Variants in OTOGL observed in about 807,000 individuals in gnomAD.
OTOGL encodes the protein otogelin like.
A neutral mutation model predicts 318.5 loss-of-function variants in OTOGL; 285 were observed. The ratio of observed to expected loss-of-function variants is 0.89; its 90% CI spans 0.81 to 0.99. OTOGL has a LOEUF of 0.99. OTOGL is among the 50% of genes least tolerant of loss of function. The pLI is 0.00. For synonymous variants in OTOGL, 987 were observed against 936.5 expected, an observed-to-expected ratio of 1.05 and a Z score of -0.99; for missense variants, 2,899 against 2,845.6, an observed-to-expected ratio of 1.02 and a Z score of -0.43.
At chr12:80,123,120 G>C (rs1381144143) in intron 1 of OTOGL, among the ~76,000 whole-genome samples, 2 of 151,696 alleles carry the variant, frequency 1.3e-5, no homozygotes, top group African/African-American at 4.8e-5. Context: ...TGCCATGCTG[G>C]TGTGCTGCAC....
At chr12:80,345,130 TTATAA>T (rs1210561130) in intron 44 of OTOGL, among the ~76,000 whole-genome samples, 1 of 131,882 alleles carries the variant, frequency 7.6e-6, no homozygotes, top group Non-Finnish European at 1.6e-5. Context: ...ATGTTATATA[TTATAA>T]TATATATTAT....
At position 80,277,259 on chromosome 12, in the gene OTOGL, G is replaced by A. The variant is rs546327758; in HGVS notation, c.2682-909G>A. On this transcript the variant is annotated intron_variant, in intron 24 of 58. Coordinates refer to ENST00000547103, the MANE Select transcript of OTOGL (RefSeq NM_001378609.3). Reference sequence around the variant, plus strand: ...ATTTATAATTAATTACAAAATTATTGTTCTATTATTATTTTGTTAACACTT... The same window carrying A: ...ATTTATAATTAATTACAAAATTATTATTCTATTATTATTTTGTTAACACTT... 7.1e-3 allele frequency among the ~76,000 whole-genome samples: 1,018 copies of A among 143,684 alleles called. 12 individuals are homozygous for A. Among genetic ancestry groups the A allele is most frequent in the African/African-American group, 0.024 (969 of 39,822 alleles). 94.3% of individuals were successfully genotyped at this position (143,684 alleles called of 152,430 possible).
At chr12:80,220,315 ATGT>A (rs1408998919) in intron 6 of OTOGL, among the ~76,000 whole-genome samples, 2 of 151,918 alleles carry the variant, frequency 1.3e-5, no homozygotes, top group Non-Finnish European at 2.9e-5. Flanking sequence ...ACCCACCATC[ATGT>A]CTGGCTAATT....
intron 27 of OTOGL, among the ~76,000 whole-genome samples, chr12:80,299,736 A>G (rs1172503259): frequency 3.3e-5 from 5 of 152,112 alleles, no homozygotes; most frequent in Admixed American, 2.6e-4. Context: ...TTAATTCTCC[A>G]TAGTTCTAAC....
At chr12:80,171,822 A>G (rs1022966184) in intron 1 of OTOGL, among the ~76,000 whole-genome samples, 10 of 152,006 alleles carry the variant, frequency 6.6e-5, no homozygotes, top group African/African-American at 2.4e-4. Flanking sequence ...AGATCTTTTC[A>G]ACTAACTATC....
In OTOGL at chr12:80,188,951, C is replaced by T. The variant is rs148412960; in HGVS notation, c.-19-20462C>T. On this transcript the variant is annotated intron_variant, in intron 1 of 58. Transcript: ENST00000547103. ...TCTCTCCCTTCAGGTGTCATCCTCC[C>T]GTTCTCTCTGTCCTCCCTTTGGTTT... Among the ~76,000 whole-genome samples, 24 of 152,280 alleles carry T rather than the reference C, an allele frequency of 1.6e-4. No homozygotes were observed. The East Asian group carries it at 4.2e-3, about 27-fold the overall frequency.
chr12:80,368,435 AC>A (rs1305423486), intron 55 of OTOGL, 126 bp downstream of exon 55: 37 of 494,312 alleles, frequency 7.5e-5, no homozygotes, highest in Non-Finnish European at 1.1e-4. Context: ...CACCTACAGC[AC>A]ACAAGACACA....
At chr12:80,146,466 T>G (rs887566730) in intron 1 of OTOGL, among the ~76,000 whole-genome samples, 70 of 151,896 alleles carry the variant, frequency 4.6e-4, no homozygotes, top group African/African-American at 1.6e-3. Context: ...TTGCCAGTAT[T>G]TTATTGAGGA....
intron 44 of OTOGL, among the ~76,000 whole-genome samples, chr12:80,343,214 C>G (rs1047818648): frequency 6.6e-6 from 1 of 151,998 alleles, no homozygotes; most frequent in Admixed American, 6.6e-5. Flanking sequence ...TATGAGTTTG[C>G]TAGGAGAGAA....
At chr12:80,222,355 A>G (rs1201752038) in intron 7 of OTOGL, 110 bp downstream of exon 7, 4 of 1,120,796 alleles carry the variant, frequency 3.6e-6, no homozygotes, top group East Asian at 2.6e-5. Context: ...TAGAATGAAT[A>G]CTTATTTTGA....
At chr12:80,186,412 T>C (rs1875293861) in intron 1 of OTOGL, among the ~76,000 whole-genome samples, 1 of 152,096 alleles carries the variant, frequency 6.6e-6, no homozygotes, top group Admixed American at 6.5e-5. Flanking sequence ...GGATGTCTCT[T>C]GTATTATTTT....
At chr12:80,254,975 C>G in intron 15 of OTOGL, 65 bp from the exon 16 acceptor site, 1 of 1,269,552 alleles carries the variant, frequency 7.9e-7, no homozygotes, top group Non-Finnish European at 1.0e-6. Context: ...GTATCATCCT[C>G]CTCTCTCTCC....
chr12:80,333,155 A>G, intron 38 of OTOGL, 77 bp downstream of exon 38: 1 of 1,331,414 alleles, frequency 7.5e-7, no homozygotes, highest in Non-Finnish European at 1.0e-6. Context: ...CAATATCCAA[A>G]TGCTACTAAA....
At chr12:80,187,814 C>T (rs184594482) in intron 1 of OTOGL, among the ~76,000 whole-genome samples, 1 of 152,266 alleles carries the variant, frequency 6.6e-6, no homozygotes, top group Non-Finnish European at 1.5e-5. Context: ...CAGATACAAG[C>T]TTGGCACCAT....
chr12:80,229,490 A>G (rs553200359), intron 8 of OTOGL, 112 bp downstream of exon 8: 3 of 1,335,308 alleles, frequency 2.2e-6, no homozygotes, highest in Admixed American at 2.1e-5. Context: ...TTTCTTCAAC[A>G]ATACTCTTAA....
At position 80,312,898 on chromosome 12, in the gene OTOGL, G is replaced by A. The variant is rs904764044; in HGVS notation, c.3451-578G>A. Among the ~76,000 whole-genome samples the A allele has an allele frequency of 9.2e-5, 14 of 151,964 alleles. 1 individual carries two copies. Among genetic ancestry groups the A allele is most frequent in the South Asian group, 6.2e-4 (3 of 4,826 alleles). On this transcript the variant is annotated intron_variant, in intron 30 of 58. Transcript: ENST00000547103. ...GCGATCTCAGCTCACTGCAACCTCCGCCTCCCGGGTTCAAGTGATTCTCCT... is the reference window on the plus strand; with the variant it reads ...GCGATCTCAGCTCACTGCAACCTCCACCTCCCGGGTTCAAGTGATTCTCCT...
Position 80,320,452 on chromosome 12 carries a change from A to G in OTOGL, c.3833A>G (p.Glu1278Gly). 6.2e-7 allele frequency: 1 copy of G among 1,613,280 alleles called. No individual in the cohort carries two copies. Among genetic ancestry groups the G allele is most frequent in the Non-Finnish European group, 8.5e-7 (1 of 1,179,454 alleles). The stretch of plus-strand genomic sequence containing the variant: ...GCACTTGTTTCCTTGGAATCTGCTG[A>G]AAGGCCAAACTACTTTCTCTATGTC... The part of the protein sequence containing the change: ...SLALVSLESA[E>G]RPNYFLYVHD... Residue 1278 changes from glutamate (E) to glycine (G), a missense_variant, in exon 34 of 59, where the codon GAA (glutamate) becomes GGA (glycine). By Grantham distance (98) the Glu-to-Gly change is moderately conservative (BLOSUM62 -2). Around this residue, in one of 3 missense-constraint regions of OTOGL, gnomAD observed 2,607 missense variants for 2,524.9 expected, o/e 1.03. Transcript: ENST00000547103.
At chr12:80,174,706 T>C (rs1034121025) in intron 1 of OTOGL, among the ~76,000 whole-genome samples, 1 of 152,212 alleles carries the variant, frequency 6.6e-6, no homozygotes, top group African/African-American at 2.4e-5. Flanking sequence ...GAAGATATCA[T>C]ATCTAATCAT....
intron 18 of OTOGL, among the ~76,000 whole-genome samples, chr12:80,261,578 C>G (rs1314036609): frequency 6.6e-6 from 1 of 152,114 alleles, no homozygotes; most frequent in Non-Finnish European, 1.5e-5. Flanking sequence ...CTCAACCACA[C>G]ACATGCTAAA....
Sources: allele counts gnomAD v4.1 joint callset (sites outside exome capture counted in the v4.1 genomes callset), GRCh38; gene constraint gnomAD v4.1.1; regional missense constraint gnomAD v4.1.1; transcripts MANE v1.5; gene names NCBI Gene and HGNC (gene_info 2026-07-23, HGNC 2026-07-21).